Variants in BCKDHB observed in about 807,000 individuals in gnomAD.
BCKDHB encodes the protein branched chain keto acid dehydrogenase E1 subunit beta.
In BCKDHB, 41 loss-of-function variants were observed where a neutral mutation model predicts 48.5. The observed-to-expected ratio is 0.85, with a 90% CI of 0.66 to 1.10. BCKDHB has a LOEUF of 1.10. Among genes scored for constraint, BCKDHB ranks in the 50% least tolerant of loss-of-function variants. The pLI, the probability that BCKDHB is intolerant of heterozygous loss-of-function variation, is 0.00. For missense variants in BCKDHB, 496 were observed against 494.2 expected (o/e 1.00, Z -0.03); for synonymous variants, 201 against 174.8 (o/e 1.15, Z -1.18).
At chr6:80,365,669 C>T in the BCKDHB span, among the ~76,000 whole-genome samples, 2 of 152,140 alleles carry the variant, frequency 1.3e-5, no homozygotes, top group Non-Finnish European at 2.9e-5. Context: ...GTTTTACAAT[C>T]AATTTGTACA....
the BCKDHB span, among the ~76,000 whole-genome samples, chr6:80,454,739 G>T: frequency 2.6e-5 from 4 of 152,136 alleles, no homozygotes; most frequent in East Asian, 1.9e-4. Flanking sequence ...GAATTTGTAG[G>T]CAAGACCACA....
chr6:80,116,866 A>G (rs1314694182), intron 1 of BCKDHB, among the ~76,000 whole-genome samples: 1 of 152,234 alleles, frequency 6.6e-6, no homozygotes, highest in African/African-American at 2.4e-5. Flanking sequence ...ATTATTTTTT[A>G]ACAGTCTTAC....
chr6:80,335,231 G>GAAA (rs796841647), intron 9 of BCKDHB, among the ~76,000 whole-genome samples: 9 of 40,460 alleles, frequency 2.2e-4, no homozygotes, highest in East Asian at 6.2e-4. Flanking sequence ...AATTTTGTGG[G>GAAA]AAAAAAAAAA....
the BCKDHB span, among the ~76,000 whole-genome samples, chr6:80,410,561 C>CTT: frequency 6.6e-6 from 1 of 152,162 alleles, no homozygotes; most frequent in South Asian, 2.1e-4. Flanking sequence ...TTCCATTCTC[C>CTT]CTGTCACTTT....
chr6:80,311,042 A>G (rs187147852), intron 9 of BCKDHB, among the ~76,000 whole-genome samples: 110 of 152,234 alleles, frequency 7.2e-4, no homozygotes, highest in African/African-American at 2.6e-3. Context: ...ACCCCACCCA[A>G]TCTCACATTG....
chr6:80,386,181 A>T, the BCKDHB span, among the ~76,000 whole-genome samples: 5 of 152,098 alleles, frequency 3.3e-5, no homozygotes, highest in African/African-American at 1.2e-4. Context: ...GCACCTTTGA[A>T]AAGCCCTGTA....
At chr6:80,317,677 G>A (rs377467342) in intron 9 of BCKDHB, among the ~76,000 whole-genome samples, 7 of 152,170 alleles carry the variant, frequency 4.6e-5, no homozygotes, top group Admixed American at 3.3e-4. Flanking sequence ...TTCGTAGTTC[G>A]AAGGATTAGG....
chr6:80,436,044 T>C, the BCKDHB span, among the ~76,000 whole-genome samples: 1 of 152,056 alleles, frequency 6.6e-6, no homozygotes, highest in Non-Finnish European at 1.5e-5. Context: ...AAAGAAGTTA[T>C]AGTTTTTATT....
intron 8 of BCKDHB, among the ~76,000 whole-genome samples, chr6:80,235,090 C>A (rs1409220574): frequency 6.6e-6 from 1 of 152,002 alleles, no homozygotes; most frequent in Non-Finnish European, 1.5e-5. Flanking sequence ...TTCTAGTGTC[C>A]AGTAACACAG....
At chr6:80,144,938 G>A (rs553209899) in intron 3 of BCKDHB, among the ~76,000 whole-genome samples, 3 of 152,138 alleles carry the variant, frequency 2.0e-5, no homozygotes, top group Non-Finnish European at 4.4e-5. Flanking sequence ...TCCATCCCAC[G>A]TTTCATTTTC....
chr6:80,419,614 G>T, the BCKDHB span, among the ~76,000 whole-genome samples: 11 of 152,160 alleles, frequency 7.2e-5, no homozygotes, highest in Admixed American at 5.2e-4. Flanking sequence ...TGCTACCCCT[G>T]CCATTTGTTT....
chr6:80,200,537 A>G lies in BCKDHB; in HGVS notation c.743-397A>G, dbSNP rs77613383. On this transcript the variant is annotated intron_variant, in intron 6 of 9. Coordinates refer to ENST00000320393, the MANE Select transcript of BCKDHB (RefSeq NM_183050.4). ...ACAATTTTAGATTTACAGAAAAAGT[A>G]TGAACATAGTACAAAGTTCTTAGAT... Among the ~76,000 whole-genome samples the G allele has an allele frequency of 9.4e-3, 1,432 of 152,342 alleles. 9 individuals carry two copies. The highest frequency in any genetic ancestry group is 0.015 in the Non-Finnish European group (1,046 of 68,014).
intron 1 of BCKDHB, among the ~76,000 whole-genome samples, chr6:80,121,369 C>T (rs1653212587): frequency 6.6e-6 from 1 of 152,066 alleles, no homozygotes; most frequent in African/African-American, 2.4e-5. Context: ...TCCATATGAA[C>T]TTTAAAGTAG....
At chr6:80,436,431 G>T in the BCKDHB span, among the ~76,000 whole-genome samples, 1 of 151,780 alleles carries the variant, frequency 6.6e-6, no homozygotes, top group Admixed American at 6.6e-5. Flanking sequence ...TACTGGGCCC[G>T]GCCAAAATTC....
chr6:80,350,280 A>G (rs1216436339), downstream of BCKDHB, among the ~76,000 whole-genome samples: 1 of 152,210 alleles, frequency 6.6e-6, no homozygotes, highest in Non-Finnish European at 1.5e-5. Context: ...AACCGAAGAT[A>G]TAAGAATGCG....
chr6:80,184,459 G>C (rs1773550272), intron 6 of BCKDHB, among the ~76,000 whole-genome samples: 1 of 151,992 alleles, frequency 6.6e-6, no homozygotes, highest in African/African-American at 2.4e-5. Context: ...TGAGATGTGA[G>C]GTACTGTTTT....
intron 9 of BCKDHB, among the ~76,000 whole-genome samples, chr6:80,279,305 T>G (rs1254413865): frequency 6.6e-6 from 1 of 151,928 alleles, no homozygotes; most frequent in Non-Finnish European, 1.5e-5. Flanking sequence ...AGGTACCTGC[T>G]GCCACGCCCA....
At chr6:80,409,512 C>CTGAGTCTCTT in the BCKDHB span, among the ~76,000 whole-genome samples, 1 of 137,614 alleles carries the variant, frequency 7.3e-6, no homozygotes, top group African/African-American at 2.7e-5. Context: ...TTGTGGGAGT[C>CTGAGTCTCTT]TGAGTCTCTT....
chr6:80,222,417 C>A (rs948872230), intron 8 of BCKDHB, among the ~76,000 whole-genome samples: 2 of 152,136 alleles, frequency 1.3e-5, no homozygotes, highest in South Asian at 2.1e-4. Context: ...TAGAAAGATA[C>A]CTGCATTTGA....
Sources: gnomAD v4.1 joint callset for allele counts (sites outside exome capture counted in the v4.1 genomes callset) on GRCh38, gnomAD v4.1.1 for gene constraint, MANE v1.5 for transcripts, NCBI Gene and HGNC (gene_info 2026-07-23, HGNC 2026-07-21) for gene names.